Variants in BIRC6 observed in about 807,000 individuals in gnomAD.
BIRC6 encodes the protein dual E2 ubiquitin-conjugating enzyme/E3 ubiquitin-protein ligase BIRC6.
A neutral mutation model predicts 503.3 loss-of-function variants in BIRC6; 98 were observed. The ratio of observed to expected loss-of-function variants is 0.19; its 90% CI spans 0.17 to 0.23. The LOEUF (loss-of-function observed/expected upper bound fraction) is 0.23, where lower values mean the gene tolerates loss of function less well. Among genes scored for constraint, BIRC6 ranks in the 10% least tolerant of loss-of-function variants. The pLI is 1.00. For synonymous variants in BIRC6, 2,240 were observed against 2,078.7 expected (o/e 1.08, Z -2.11); for missense variants, 5,360 against 5,806.0 (o/e 0.92, Z 2.50).
In BIRC6 at chr2:32,401,446, GC is replaced by G; in HGVS notation, c.1258-16del. ...GAAAAAAGATCAGTTGTAAACTTAG[GC>G]TTTTCATTTGTTTAGGTGCACTTAA... On this transcript the variant is annotated splice_polypyrimidine_tract_variant and intron_variant, in intron 7 of 73. Transcript: ENST00000421745. 6.2e-7 allele frequency: 1 copy of G among 1,613,040 alleles called. No homozygotes were observed. Among genetic ancestry groups the G allele is most frequent in the Non-Finnish European group, 8.5e-7 (1 of 1,179,434 alleles).
At chr2:32,560,137 C>T (rs958224322) in intron 65 of BIRC6, among the ~76,000 whole-genome samples, 13 of 152,112 alleles carry the variant, frequency 8.5e-5, no homozygotes, top group African/African-American at 2.2e-4. Flanking sequence ...AGCATACTTA[C>T]GTAACTAATG....
At chr2:32,372,254 T>G (rs1305987068) in intron 1 of BIRC6, among the ~76,000 whole-genome samples, 1 of 152,212 alleles carries the variant, frequency 6.6e-6, no homozygotes, top group Admixed American at 6.6e-5. Flanking sequence ...CAGACCAGTT[T>G]CAACACCTGA....
At chr2:32,543,723 T>C (rs1227849525) in intron 62 of BIRC6, among the ~76,000 whole-genome samples, 182 bp downstream of exon 62, 1 of 152,226 alleles carries the variant, frequency 6.6e-6, no homozygotes, top group Non-Finnish European at 1.5e-5. Flanking sequence ...TTCATTTTCA[T>C]CTCTGTGTTC....
intron 69 of BIRC6, among the ~76,000 whole-genome samples, chr2:32,598,659 C>G (rs968970805): frequency 1.3e-5 from 2 of 152,102 alleles, no homozygotes; most frequent in Admixed American, 6.5e-5. Context: ...ATGGGTTAAA[C>G]ATTCTGTCTT....
At chr2:32,544,552 A>G (rs2057918014) in intron 62 of BIRC6, among the ~76,000 whole-genome samples, 1 of 149,086 alleles carries the variant, frequency 6.7e-6, no homozygotes, top group Non-Finnish European at 1.5e-5. Flanking sequence ...GAAAATTAAT[A>G]TTCCTTATGT....
At chr2:32,560,982 G>A (rs893579006) in intron 65 of BIRC6, among the ~76,000 whole-genome samples, 1 of 151,680 alleles carries the variant, frequency 6.6e-6, no homozygotes, top group Non-Finnish European at 1.5e-5. Flanking sequence ...GGTGGATCAC[G>A]AGGTCAGGAG....
At chr2:32,384,244 G>A (rs1442910849) in intron 3 of BIRC6, among the ~76,000 whole-genome samples, 1 of 152,200 alleles carries the variant, frequency 6.6e-6, no homozygotes, top group African/African-American at 2.4e-5. Flanking sequence ...GCTTCATCTT[G>A]TAAGGTAGAA....
chr2:32,608,141 T>A (rs1301339661), intron 72 of BIRC6, among the ~76,000 whole-genome samples: 2 of 151,030 alleles, frequency 1.3e-5, no homozygotes, highest in Non-Finnish European at 2.9e-5. Flanking sequence ...GCAAAAAGTT[T>A]AAAAATTTAG....
intron 3 of BIRC6, among the ~76,000 whole-genome samples, chr2:32,386,061 A>C (rs1464042370): frequency 6.6e-6 from 1 of 152,198 alleles, no homozygotes; most frequent in Non-Finnish European, 1.5e-5. Context: ...CATCTGGACC[A>C]ATCAGCGTGC....
At chr2:32,398,530 AT>A (rs1165220599) in intron 6 of BIRC6, among the ~76,000 whole-genome samples, 2 of 152,152 alleles carry the variant, frequency 1.3e-5, no homozygotes, top group Non-Finnish European at 2.9e-5. Flanking sequence ...AAGACCCTGT[AT>A]TTTATTTTTA....
chr2:32,583,782 GTGCAGTGACATAATCTTGGCTCAC>G (rs2060846950), intron 66 of BIRC6, among the ~76,000 whole-genome samples: 2 of 152,100 alleles, frequency 1.3e-5, no homozygotes, highest in South Asian at 4.1e-4. Context: ...CCAGGCTGGA[GTGCAGTGACATAATCTTGGCTCAC>G]TGCAGCCTCC....
intron 1 of BIRC6, among the ~76,000 whole-genome samples, chr2:32,373,965 A>C (rs767658467): frequency 6.6e-6 from 1 of 152,222 alleles, no homozygotes; most frequent in Non-Finnish European, 1.5e-5. Flanking sequence ...AAAATACTGT[A>C]TGATTCCTTC....
At chr2:32,395,295 G>A (rs1397412393) in intron 5 of BIRC6, among the ~76,000 whole-genome samples, 3 of 152,118 alleles carry the variant, frequency 2.0e-5, no homozygotes, top group Non-Finnish European at 2.9e-5. Flanking sequence ...ACCTCTCTTT[G>A]ATTTAGTGGT....
Position 32,477,479 on chromosome 2 carries a change from A to T in BIRC6, c.6964A>T (p.Thr2322Ser). ...TCCTGAGATAGAACCACTTCCATTTACTCTGGCCCATGAGCGTTGTATCTC... is the reference window on the plus strand; with the variant it reads ...TCCTGAGATAGAACCACTTCCATTTTCTCTGGCCCATGAGCGTTGTATCTC... ...ESPEIEPLPF[T>S]LAHERCISVV... The change falls in exon 35 of 74, where the codon ACT becomes TCT. Residue 2322 changes from threonine to serine, a missense_variant. Around this residue, in one of 16 missense-constraint regions of BIRC6, gnomAD observed 2,299 missense variants for 2,267.2 expected, o/e 1.01. Coordinates refer to ENST00000421745, the MANE Select transcript of BIRC6 (RefSeq NM_016252.4). The T allele has an allele frequency of 6.2e-7, 1 of 1,613,918 alleles. No homozygotes were observed. The highest frequency in any genetic ancestry group is 2.2e-5 in the East Asian group (1 of 44,880).
chr2:32,466,163 G>C (rs1369764992), intron 26 of BIRC6, among the ~76,000 whole-genome samples: 1 of 152,024 alleles, frequency 6.6e-6, no homozygotes, highest in Non-Finnish European at 1.5e-5. Flanking sequence ...GCTCTGTCGA[G>C]AATAGCACTA....
intron 8 of BIRC6, among the ~76,000 whole-genome samples, chr2:32,404,517 T>C (rs2040973202): frequency 6.6e-6 from 1 of 152,122 alleles, no homozygotes; most frequent in African/African-American, 2.4e-5. Flanking sequence ...TTTCACCATG[T>C]TGGCCAGGCT....
intron 22 of BIRC6, 83 bp downstream of exon 22, chr2:32,449,011 T>C: frequency 7.5e-7 from 1 of 1,341,384 alleles, no homozygotes; most frequent in Non-Finnish European, 1.0e-6. Context: ...ATTATAGTCA[T>C]GATGTTTTGT....
intron 4 of BIRC6, among the ~76,000 whole-genome samples, chr2:32,389,802 T>TTATCCTG (rs1471474465): frequency 6.6e-6 from 1 of 152,180 alleles, no homozygotes. Context: ...ATTCAAGAGA[T>TTATCCTG]TCTCCTGCCT....
At chr2:32,418,470 A>C (rs1036955968) in intron 10 of BIRC6, among the ~76,000 whole-genome samples, 2 of 152,242 alleles carry the variant, frequency 1.3e-5, no homozygotes, top group Non-Finnish European at 2.9e-5. Context: ...CCATCAGAGC[A>C]CTTTAAATGG....
Sources: gnomAD v4.1 joint callset for allele counts (sites outside exome capture counted in the v4.1 genomes callset) on GRCh38, gnomAD v4.1.1 for gene constraint, gnomAD v4.1.1 regional missense constraint, MANE v1.5 for transcripts, NCBI Gene and HGNC (gene_info 2026-07-23, HGNC 2026-07-21) for gene names.